Variants in GTF2IRD1 observed in about 807,000 individuals in gnomAD.
GTF2IRD1 encodes the protein general transcription factor II-I repeat domain-containing protein 1.
Under a neutral mutation model 113.2 loss-of-function variants are expected in GTF2IRD1, and 26 were observed. The ratio of observed to expected loss-of-function variants is 0.23; its 90% CI spans 0.17 to 0.32. The LOEUF (loss-of-function observed/expected upper bound fraction) is 0.32. GTF2IRD1 is among the 10% of genes least tolerant of loss of function. The probability of loss-of-function intolerance (pLI) is 1.00; values close to 1 mark genes in which losing one functional copy is unlikely to be tolerated. For missense variants in GTF2IRD1, 864 were observed against 1,280.8 expected (o/e 0.67, Z 4.97); for synonymous variants, 484 against 529.1 (o/e 0.91, Z 1.17).
chr7:74,479,645 C>A (rs1554334200), intron 1 of GTF2IRD1, among the ~76,000 whole-genome samples: 1 of 152,168 alleles, frequency 6.6e-6, no homozygotes, highest in African/African-American at 2.4e-5. Context: ...TCCAGGAAGC[C>A]CCACCCTGAC....
chr7:74,584,121 C>T (rs1656294274), intron 22 of GTF2IRD1, among the ~76,000 whole-genome samples: 2 of 152,066 alleles, frequency 1.3e-5, no homozygotes, highest in Admixed American at 6.6e-5. Flanking sequence ...GGGTCTGTGG[C>T]CTGTGCTTTT....
intron 2 of GTF2IRD1, among the ~76,000 whole-genome samples, chr7:74,508,569 T>A (rs1554341846): frequency 6.6e-6 from 1 of 151,656 alleles, no homozygotes; most frequent in African/African-American, 2.4e-5. Flanking sequence ...CATGCGCCTG[T>A]AATCCCAGCT....
At chr7:74,524,298 C>A (rs1252674167) in intron 8 of GTF2IRD1, 144 bp downstream of exon 8, 1 of 609,300 alleles carries the variant, frequency 1.6e-6, no homozygotes, top group Admixed American at 2.9e-5. Flanking sequence ...TCATCCGTCG[C>A]GGGCTCCTCC....
intron 1 of GTF2IRD1, among the ~76,000 whole-genome samples, chr7:74,498,199 C>T (rs562093872): frequency 2.0e-5 from 3 of 151,850 alleles, no homozygotes; most frequent in Admixed American, 6.6e-5. Flanking sequence ...GATGATGTCT[C>T]GCTCTGTTGC....
chr7:74,602,568 G>C lies in GTF2IRD1; in HGVS notation c.*135G>C. ...TTTACACTATATTCCTGCCACCAAG[G>C]CCTTTTTAAATAAGTAAAAAAAGAA... On this transcript the variant is annotated 3_prime_UTR_variant, in exon 27 of 27. Coordinates refer to ENST00000424337, the MANE Select transcript of GTF2IRD1 (RefSeq NM_005685.4). 1.9e-6 allele frequency: 1 copy of C among 525,196 alleles called. No individual in the cohort carries two copies. Among genetic ancestry groups the C allele is most frequent in the Non-Finnish European group, 3.1e-6 (1 of 319,924 alleles). The allele number at this position is 525,196 out of a possible 1,614,324, so 32.5% of individuals were successfully genotyped here.
chr7:74,468,676 CTGTGTGTGTGTGTGTGTGTGTG>C (rs61694825), intron 1 of GTF2IRD1, among the ~76,000 whole-genome samples: 17 of 129,416 alleles, frequency 1.3e-4, no homozygotes, highest in East Asian at 4.9e-4. Flanking sequence ...AAAAAAAAAA[CTGTGTGTGTGTGTGTGTGTGTG>C]TGTGTGTGTG....
intron 10 of GTF2IRD1, among the ~76,000 whole-genome samples, chr7:74,535,825 C>T (rs989412036): frequency 6.6e-6 from 1 of 152,232 alleles, no homozygotes; most frequent in Non-Finnish European, 1.5e-5. Context: ...GTGATGCAGC[C>T]ATGGGGAAGC....
chr7:74,596,938 G>A (rs1196680600), intron 25 of GTF2IRD1, among the ~76,000 whole-genome samples: 3 of 152,262 alleles, frequency 2.0e-5, no homozygotes, highest in South Asian at 4.1e-4. Context: ...GTAGGCACTT[G>A]TAGTCCCAGG....
At chr7:74,571,096 G>T (rs1337374162) in intron 22 of GTF2IRD1, 3 of 985,274 alleles carry the variant, frequency 3.0e-6, no homozygotes, top group Non-Finnish European at 3.6e-6. Flanking sequence ...GGAAGGCAGC[G>T]CCCCACCTCT....
chr7:74,458,163 G>A (rs1327572060), intron 1 of GTF2IRD1, among the ~76,000 whole-genome samples: 3 of 152,062 alleles, frequency 2.0e-5, no homozygotes, highest in Non-Finnish European at 4.4e-5. Context: ...GAGACACTGC[G>A]CCCGGTCCTG....
At chr7:74,600,872 C>A (rs1802716802) in intron 25 of GTF2IRD1, 172 bp from the exon 26 acceptor site, 2 of 657,136 alleles carry the variant, frequency 3.0e-6, no homozygotes, top group East Asian at 5.4e-5. Flanking sequence ...GGGAAGGAGG[C>A]TGGACATGTG....
chr7:74,455,827 G>A (rs1418696133), intron 1 of GTF2IRD1, among the ~76,000 whole-genome samples: 1 of 152,152 alleles, frequency 6.6e-6, no homozygotes, highest in East Asian at 1.9e-4. Context: ...TTCTAACTCA[G>A]AGGGTCCCAC....
At chr7:74,507,740 G>A (rs2130004552) in intron 1 of GTF2IRD1, 2 of 251,322 alleles carry the variant, frequency 8.0e-6, no homozygotes, top group African/African-American at 2.2e-5. Flanking sequence ...CATGGAGGGT[G>A]TGTGAGCGAG....
At chr7:74,575,133 C>G (rs587675470) in intron 22 of GTF2IRD1, among the ~76,000 whole-genome samples, 1 of 152,190 alleles carries the variant, frequency 6.6e-6, no homozygotes, top group East Asian at 1.9e-4. Context: ...ACGGAGCCTA[C>G]ATGGTGGGGC....
At chr7:74,544,868 C>T in intron 15 of GTF2IRD1, 66 bp downstream of exon 15, 1 of 1,327,618 alleles carries the variant, frequency 7.5e-7, no homozygotes, top group Non-Finnish European at 1.1e-6. Context: ...CCCTGCCGCC[C>T]ACCTCCCCTT....
At chr7:74,516,493 G>T (rs1168238307) in intron 4 of GTF2IRD1, among the ~76,000 whole-genome samples, 1 of 152,246 alleles carries the variant, frequency 6.6e-6, no homozygotes, top group Non-Finnish European at 1.5e-5. Context: ...CAGGGCCCCA[G>T]TGGTGGTCTT....
chr7:74,595,538 T>C (rs1802361607), intron 25 of GTF2IRD1, among the ~76,000 whole-genome samples: 1 of 151,540 alleles, frequency 6.6e-6, no homozygotes. Context: ...AAAAAAAATT[T>C]CATAAAAAAA....
At chr7:74,502,713 A>T (rs139366125) in intron 1 of GTF2IRD1, among the ~76,000 whole-genome samples, 59 of 152,290 alleles carry the variant, frequency 3.9e-4, no homozygotes, top group African/African-American at 1.4e-3. Flanking sequence ...GCGGCCGGCA[A>T]ATCTGCTGCT....
intron 13 of GTF2IRD1, among the ~76,000 whole-genome samples, chr7:74,539,123 C>T (rs782704266): frequency 1.3e-4 from 20 of 152,140 alleles, no homozygotes; most frequent in Non-Finnish European, 2.4e-4. Context: ...GATTTGGGCG[C>T]TGGAGCCTCA....
Sources: allele counts gnomAD v4.1 joint callset (sites outside exome capture counted in the v4.1 genomes callset), GRCh38; gene constraint gnomAD v4.1.1; transcripts MANE v1.5; gene names NCBI Gene and HGNC (gene_info 2026-07-23, HGNC 2026-07-21).